CNTNAP2: variants seen among roughly 807,000 people sequenced by gnomAD.
CNTNAP2 encodes the protein contactin-associated protein-like 2.
Under a neutral mutation model 155.2 loss-of-function variants are expected in CNTNAP2, and 98 were observed. The ratio of observed to expected loss-of-function variants is 0.63; its 90% confidence interval spans 0.54 to 0.75. CNTNAP2 has a LOEUF of 0.75. Among genes scored for constraint, CNTNAP2 ranks in the 30% least tolerant of loss-of-function variants. CNTNAP2 has a pLI of 0.00. For synonymous variants in CNTNAP2, 651 were observed against 631.2 expected, an observed-to-expected ratio of 1.03 and a Z score of -0.47; for missense variants, 1,727 against 1,688.1, an observed-to-expected ratio of 1.02 and a Z score of -0.40.
At chr7:147,489,219 G>A (rs148542087) in intron 11 of CNTNAP2, among the ~76,000 whole-genome samples, 115 of 152,208 alleles carry the variant, frequency 7.6e-4, no homozygotes, top group Admixed American at 2.0e-3. Flanking sequence ...TTGTTTTTAC[G>A]TAAATTATAT....
At chr7:146,598,248 G>C (rs2129150970) in intron 1 of CNTNAP2, among the ~76,000 whole-genome samples, 1 of 152,016 alleles carries the variant, frequency 6.6e-6, no homozygotes, top group East Asian at 1.9e-4. Context: ...TCTTTTTTCT[G>C]TTTCTCGATT....
chr7:147,959,020 A>C (rs1377385461), intron 14 of CNTNAP2, among the ~76,000 whole-genome samples: 1 of 152,170 alleles, frequency 6.6e-6, no homozygotes, highest in Non-Finnish European at 1.5e-5. Flanking sequence ...TTTTTATTAA[A>C]CTGTGATTCT....
intron 22 of CNTNAP2, among the ~76,000 whole-genome samples, chr7:148,398,214 T>C (rs62508374): frequency 0.26 from 39,082 of 151,944 alleles, 5,577 homozygotes; most frequent in Non-Finnish European, 0.33. Context: ...GACTCCACCA[T>C]GTTCTCAGCA....
intron 1 of CNTNAP2, among the ~76,000 whole-genome samples, chr7:146,321,347 A>G (rs1426538980): frequency 6.6e-6 from 1 of 152,186 alleles, no homozygotes; most frequent in Non-Finnish European, 1.5e-5. Context: ...AGGGATGGAA[A>G]GATTAGTGCC....
chr7:148,313,801 G>A (rs1046392611), intron 21 of CNTNAP2, among the ~76,000 whole-genome samples: 4 of 152,106 alleles, frequency 2.6e-5, no homozygotes, highest in African/African-American at 4.8e-5. Flanking sequence ...AGAATAAGAC[G>A]GCCTTTTGAC....
At chr7:147,300,769 G>A (rs117281844) in intron 9 of CNTNAP2, among the ~76,000 whole-genome samples, 2,353 of 152,144 alleles carry the variant, frequency 0.015, 42 homozygotes, top group Non-Finnish European at 0.022. Context: ...GTCTGCTTCC[G>A]GTAGGTCTCA....
At chr7:146,682,423 C>T (rs1362383165) in intron 1 of CNTNAP2, among the ~76,000 whole-genome samples, 2 of 152,110 alleles carry the variant, frequency 1.3e-5, no homozygotes, top group African/African-American at 4.8e-5. Flanking sequence ...CAGGTTTTAT[C>T]AGTGGCTTAT....
At chr7:146,835,105 TG>T (rs1445292771) in intron 2 of CNTNAP2, among the ~76,000 whole-genome samples, 1 of 152,218 alleles carries the variant, frequency 6.6e-6, no homozygotes, top group Non-Finnish European at 1.5e-5. Context: ...TTTAGATTTT[TG>T]CTTTCCTTAA....
intron 3 of CNTNAP2, among the ~76,000 whole-genome samples, chr7:146,847,605 G>T (rs1794784689): frequency 6.6e-6 from 1 of 151,942 alleles, no homozygotes; most frequent in South Asian, 2.1e-4. Flanking sequence ...ATAGTATATT[G>T]GCTCTTTTCT....
intron 13 of CNTNAP2, among the ~76,000 whole-genome samples, chr7:147,715,859 A>T (rs193272068): frequency 6.6e-4 from 101 of 152,128 alleles, no homozygotes; most frequent in African/African-American, 2.3e-3. Context: ...GTCCATTTTT[A>T]GTTGATTTTT....
At chr7:146,831,470 G>A (rs1212948229) in intron 2 of CNTNAP2, among the ~76,000 whole-genome samples, 1 of 151,918 alleles carries the variant, frequency 6.6e-6, no homozygotes, top group African/African-American at 2.4e-5. Flanking sequence ...GAGGTCGAGA[G>A]ATCGAGACCA....
intron 13 of CNTNAP2, among the ~76,000 whole-genome samples, chr7:147,826,027 GT>G (rs1328254149): frequency 2.6e-5 from 4 of 152,070 alleles, no homozygotes; most frequent in African/African-American, 9.7e-5. Context: ...TAGATTGAGG[GT>G]AGTAATTTAC....
intron 3 of CNTNAP2, among the ~76,000 whole-genome samples, chr7:146,912,628 A>G (rs996195077): frequency 5.9e-5 from 9 of 152,170 alleles, no homozygotes; most frequent in Non-Finnish European, 1.2e-4. Flanking sequence ...TTAAACCTCA[A>G]GAAAGAGTCC....
At chr7:147,499,367 A>G (rs1030757438) in intron 11 of CNTNAP2, among the ~76,000 whole-genome samples, 14 of 152,092 alleles carry the variant, frequency 9.2e-5, no homozygotes, top group Admixed American at 8.5e-4. Context: ...CGTCTCTACT[A>G]AAAATAAAAA....
At chr7:147,487,344 T>C (rs1798527821) in intron 11 of CNTNAP2, among the ~76,000 whole-genome samples, 1 of 152,140 alleles carries the variant, frequency 6.6e-6, no homozygotes, top group Admixed American at 6.5e-5. Flanking sequence ...AGAACAAAAA[T>C]GATTGATACT....
At chr7:147,823,401 G>A (rs1798391938) in intron 13 of CNTNAP2, among the ~76,000 whole-genome samples, 2 of 152,046 alleles carry the variant, frequency 1.3e-5, no homozygotes, top group African/African-American at 4.8e-5. Flanking sequence ...TTGTTTAGTT[G>A]TTTACTCCTC....
intron 7 of CNTNAP2, among the ~76,000 whole-genome samples, chr7:147,132,036 CA>C (rs1563087875): frequency 6.6e-6 from 1 of 152,084 alleles, no homozygotes; most frequent in African/African-American, 2.4e-5. Context: ...GTTAGACAGC[CA>C]ACTGCTGCTC....
In CNTNAP2 at chr7:147,139,186, C is replaced by A. The variant is rs143749894; in HGVS notation, c.1348+6677C>A. On this transcript the variant is annotated intron_variant, in intron 8 of 23. Transcript: ENST00000361727. ...AACAGATAATATTGTATCTACTTAA[C>A]ATGTACAGAATGATGTCCTGAAGTA... 6.8e-3 allele frequency among the ~76,000 whole-genome samples: 1,029 copies of A among 152,146 alleles called. 14 individuals are homozygous for A. The highest frequency in any genetic ancestry group is 0.023 in the African/African-American group (968 of 41,524).
intron 13 of CNTNAP2, among the ~76,000 whole-genome samples, chr7:147,864,561 C>T (rs1563116082): frequency 6.6e-6 from 1 of 151,934 alleles, no homozygotes; most frequent in Non-Finnish European, 1.5e-5. Context: ...TATCCATGAG[C>T]ATGGAATGTT....
Sources: allele counts gnomAD v4.1 joint callset (sites outside exome capture counted in the v4.1 genomes callset), GRCh38; gene constraint gnomAD v4.1.1; transcripts MANE v1.5; gene names NCBI Gene and HGNC (gene_info 2026-07-23, HGNC 2026-07-21).